The following STXBP4 variants were observed in gnomAD, a reference collection of about 807,000 sequenced individuals.
STXBP4 encodes syntaxin-binding protein 4.
STXBP4 carries 55 observed loss-of-function variants against 76.1 expected under a neutral mutation model. That is an observed-to-expected ratio of 0.72 (90% confidence interval 0.58 to 0.91). The LOEUF is 0.91. Ranked by LOEUF, STXBP4 falls within the 40% of genes least tolerant of loss-of-function variation. The pLI, the probability that STXBP4 is intolerant of heterozygous loss-of-function variation, is 0.00. For synonymous variants in STXBP4, 201 were observed against 220.2 expected, an observed-to-expected ratio of 0.91 and a Z score of 0.77; for missense variants, 618 against 636.9, an observed-to-expected ratio of 0.97 and a Z score of 0.32.
rs2080339310 is a variant in STXBP4, at chr17:55,161,796, A to C, written c.*1885A>C. ...TCTTAAAACCATTCCATGAAATAGG[A>C]ACTGTAATTATCCCCAATTCTAAAA... On this transcript the variant is annotated 3_prime_UTR_variant, in exon 18 of 18. Transcript: ENST00000376352. 4.6e-5 allele frequency: 7 copies of C among 152,206 alleles called. No homozygotes were observed. The highest frequency in any genetic ancestry group is 4.6e-4 in the Admixed American group (7 of 15,278). The allele number at this position is 152,206 out of a possible 1,614,324, so 9.4% of individuals were successfully genotyped here. A position where few individuals can be genotyped will look rare whatever the true frequency, so the allele number is the denominator to read the frequency against.
At chr17:55,209,754 C>G in the STXBP4 span, among the ~76,000 whole-genome samples, 1 of 152,118 alleles carries the variant, frequency 6.6e-6, no homozygotes, top group African/African-American at 2.4e-5. Context: ...TGTTGTCTCC[C>G]AGGTCACATC....
the STXBP4 span, among the ~76,000 whole-genome samples, chr17:55,197,674 C>A: frequency 6.6e-6 from 1 of 150,928 alleles, no homozygotes; most frequent in African/African-American, 2.4e-5. Flanking sequence ...ACTGGGGAGG[C>A]GGAGGTTGCA....
At chr17:55,047,185 C>CGTGTGTGTGTGTGTGTGT (rs34336794) in intron 12 of STXBP4, 31 bp downstream of exon 12, 31 of 807,968 alleles carry the variant, frequency 3.8e-5, no homozygotes, top group African/African-American at 3.6e-4. Flanking sequence ...TATATGTGCT[C>CGTGTGTGTGTGTGTGTGT]GTGTGTGTGT....
chr17:55,004,838 T>C (rs961787460), intron 7 of STXBP4, among the ~76,000 whole-genome samples: 4 of 151,762 alleles, frequency 2.6e-5, no homozygotes, highest in Admixed American at 1.3e-4. Flanking sequence ...GCCAAGAGAA[T>C]AATAAGCCAT....
intron 17 of STXBP4, 42 bp from the exon 18 acceptor site, chr17:55,159,749 TAGAAGG>T: frequency 6.2e-6 from 8 of 1,291,524 alleles, no homozygotes; most frequent in Non-Finnish European, 7.8e-6. Flanking sequence ...CATGGATGAG[TAGAAGG>T]ACAGTCTTTC....
At chr17:54,976,978 C>T (rs1046994214) in intron 1 of STXBP4, among the ~76,000 whole-genome samples, 6 of 152,082 alleles carry the variant, frequency 3.9e-5, no homozygotes, top group Non-Finnish European at 7.4e-5. Flanking sequence ...ACATTTTTTC[C>T]CTGCCATATA....
chr17:55,208,196 A>C, the STXBP4 span, among the ~76,000 whole-genome samples: 1 of 151,874 alleles, frequency 6.6e-6, no homozygotes, highest in East Asian at 1.9e-4. Flanking sequence ...GGCTTAAAAA[A>C]CAAGGAAGTC....
At chr17:55,051,385 T>A (rs1183259140) in intron 12 of STXBP4, among the ~76,000 whole-genome samples, 2 of 152,096 alleles carry the variant, frequency 1.3e-5, no homozygotes, top group Non-Finnish European at 2.9e-5. Flanking sequence ...GTGTTCAGTG[T>A]TTTGTCAGGA....
At chr17:55,072,522 A>G (rs1001481946) in intron 12 of STXBP4, among the ~76,000 whole-genome samples, 14 of 152,134 alleles carry the variant, frequency 9.2e-5, no homozygotes, top group Non-Finnish European at 1.9e-4. Context: ...TGATGACCCT[A>G]CAAGAGCCTT....
chr17:55,155,344 T>C (rs1379519848), intron 17 of STXBP4, among the ~76,000 whole-genome samples: 4 of 152,138 alleles, frequency 2.6e-5, no homozygotes, highest in Non-Finnish European at 5.9e-5. Flanking sequence ...GGATTAGTTT[T>C]TAAGTATAAA....
At chr17:55,208,577 A>AAGGAAGGAAGGAAGGAAGGAAG in the STXBP4 span, among the ~76,000 whole-genome samples, 1 of 90,406 alleles carries the variant, frequency 1.1e-5, no homozygotes, top group East Asian at 4.3e-4. Flanking sequence ...GAGGGAGGGA[A>AAGGAAGGAAGGAAGGAAGGAAG]GAAGGAAGGA....
chr17:55,066,871 G>A (rs564675174), intron 12 of STXBP4, among the ~76,000 whole-genome samples: 1 of 152,216 alleles, frequency 6.6e-6, no homozygotes, highest in South Asian at 2.1e-4. Flanking sequence ...AGGCAACACA[G>A]TGAGACTCTA....
At chr17:55,094,635 C>T (rs2079460280) in intron 16 of STXBP4, among the ~76,000 whole-genome samples, 1 of 152,178 alleles carries the variant, frequency 6.6e-6, no homozygotes, top group Admixed American at 6.5e-5. Flanking sequence ...GTAGCACAGA[C>T]AGATCTGCTG....
chr17:55,001,963 T>C (rs1387679324), intron 7 of STXBP4, among the ~76,000 whole-genome samples: 1 of 152,230 alleles, frequency 6.6e-6, no homozygotes, highest in African/African-American at 2.4e-5. Context: ...TACAGGAGTT[T>C]ATACTATATT....
chr17:55,142,623 C>G (rs868760614), intron 17 of STXBP4, among the ~76,000 whole-genome samples: 17 of 151,040 alleles, frequency 1.1e-4, no homozygotes, highest in African/African-American at 4.2e-4. Flanking sequence ...TATGGAGAAA[C>G]CATCGTGGAG....
chr17:55,088,929 A>T (rs2079374764), intron 16 of STXBP4, among the ~76,000 whole-genome samples: 1 of 152,204 alleles, frequency 6.6e-6, no homozygotes, highest in African/African-American at 2.4e-5. Context: ...TGTGTAAATC[A>T]TAGAGGCAGC....
intron 16 of STXBP4, among the ~76,000 whole-genome samples, chr17:55,126,193 TA>T (rs1228076029): frequency 6.6e-6 from 1 of 152,134 alleles, no homozygotes; most frequent in Admixed American, 6.5e-5. Context: ...AATCCCAAAT[TA>T]CTCAGTGTGA....
chr17:54,979,322 C>T (rs1331230132), intron 1 of STXBP4, among the ~76,000 whole-genome samples: 1 of 152,150 alleles, frequency 6.6e-6, no homozygotes, highest in Non-Finnish European at 1.5e-5. Flanking sequence ...TTAGATACTT[C>T]TGACCCCAGC....
At chr17:55,132,527 A>G (rs2079984200) in intron 16 of STXBP4, among the ~76,000 whole-genome samples, 1 of 152,080 alleles carries the variant, frequency 6.6e-6, no homozygotes, top group Non-Finnish European at 1.5e-5. Context: ...ATCTTTTTCT[A>G]AAGAACTCTC....
Sources: gnomAD v4.1 joint callset for allele counts (sites outside exome capture counted in the v4.1 genomes callset) on GRCh38, gnomAD v4.1.1 for gene constraint, MANE v1.5 for transcripts, NCBI Gene and HGNC (gene_info 2026-07-23, HGNC 2026-07-21) for gene names.